The following DUSP14 variants were observed in gnomAD, a reference collection of about 807,000 sequenced individuals.
DUSP14 encodes dual specificity phosphatase 14, also known as dual specificity protein phosphatase 14.
A neutral mutation model predicts 13.2 loss-of-function variants in DUSP14; 5 were observed. The ratio of observed to expected loss-of-function variants is 0.38; its 90% confidence interval spans 0.20 to 0.80. The LOEUF is 0.80. Among genes scored for constraint, DUSP14 ranks in the 30% least tolerant of loss-of-function variants. The pLI is 0.44. For missense variants in DUSP14, 185 were observed against 264.0 expected (o/e 0.70, Z 2.07); for synonymous variants, 91 against 103.4 (o/e 0.88, Z 0.73).
chr17:37,511,935 CCA>C (rs2054190606), intron 2 of DUSP14, among the ~76,000 whole-genome samples: 1 of 19,084 alleles, frequency 5.2e-5, no homozygotes, highest in Non-Finnish European at 9.0e-5. Context: ...CCCCCCCACC[CCA>C]CTTTTTTTTT....
chr17:37,507,055 C>T (rs931307731), intron 1 of DUSP14, among the ~76,000 whole-genome samples: 1 of 152,192 alleles, frequency 6.6e-6, no homozygotes, highest in East Asian at 1.9e-4. Flanking sequence ...GCTAGAAATC[C>T]GGACACCTTC....
intron 1 of DUSP14, among the ~76,000 whole-genome samples, chr17:37,508,198 T>C (rs12603185): frequency 0.72 from 109,477 of 152,144 alleles, 40,004 homozygotes; most frequent in East Asian, 0.97. Flanking sequence ...TTAGCACCAG[T>C]ACACCTGGTG....
intron 1 of DUSP14, among the ~76,000 whole-genome samples, chr17:37,507,336 ATC>A (rs1163927987): frequency 6.6e-6 from 1 of 152,142 alleles, no homozygotes; most frequent in East Asian, 1.9e-4. Flanking sequence ...AGGGCTCACA[ATC>A]TGTTTTCCCT....
chr17:37,506,148 C>T (rs1336026807), intron 1 of DUSP14, among the ~76,000 whole-genome samples: 1 of 151,932 alleles, frequency 6.6e-6, no homozygotes, highest in Admixed American at 6.6e-5. Context: ...ACCTGTAATC[C>T]CAGCTACTCG....
intron 1 of DUSP14, among the ~76,000 whole-genome samples, chr17:37,498,261 A>G (rs1295786110): frequency 1.3e-5 from 2 of 151,058 alleles, no homozygotes; most frequent in Non-Finnish European, 2.9e-5. Flanking sequence ...TTTCAGCCAA[A>G]GGTGATCCAA....
intron 1 of DUSP14, among the ~76,000 whole-genome samples, chr17:37,506,411 A>T (rs2054138691): frequency 6.6e-6 from 1 of 152,090 alleles, no homozygotes; most frequent in Admixed American, 6.6e-5. Context: ...TCCAAGAAGC[A>T]CGTGCCATTG....
At chr17:37,492,056 T>C (rs971053325) in intron 1 of DUSP14, among the ~76,000 whole-genome samples, 1 of 152,238 alleles carries the variant, frequency 6.6e-6, no homozygotes, top group Admixed American at 6.5e-5. Flanking sequence ...TATAAAGATT[T>C]GGCTTCTGTC....
rs1568204737 is a variant in DUSP14, at chr17:37,509,278, TA to T, written c.-180-1398del. On this transcript the variant is annotated intron_variant, in intron 1 of 2. Transcript: ENST00000617516. ...ATATATATATATATATATATATATA[TA>T]TATATATATATATATATAGTGTGTG... Among the ~76,000 whole-genome samples the T allele has an allele frequency of 3.3e-4, 14 of 42,832 alleles. 1 individual carries two copies. The highest frequency in any genetic ancestry group is 1.4e-3 in the African/African-American group (13 of 9,170). 28.1% of individuals were successfully genotyped at this position (42,832 alleles called of 152,430 possible). A position where few individuals can be genotyped will look rare whatever the true frequency, so the allele number is the denominator to read the frequency against.
At chr17:37,511,937 AC>A (rs2054191175) in intron 2 of DUSP14, among the ~76,000 whole-genome samples, 8 of 16,442 alleles carry the variant, frequency 4.9e-4, no homozygotes, top group East Asian at 4.5e-3. Context: ...CCCCCACCCC[AC>A]TTTTTTTTTT....
intron 1 of DUSP14, among the ~76,000 whole-genome samples, chr17:37,490,393 G>T (rs1234855643): frequency 6.6e-6 from 1 of 152,228 alleles, no homozygotes; most frequent in African/African-American, 2.4e-5. Context: ...TCTGGTGCAT[G>T]GATAGAAGCA....
chr17:37,497,086 A>G (rs2054070823), intron 1 of DUSP14, among the ~76,000 whole-genome samples: 1 of 151,968 alleles, frequency 6.6e-6, no homozygotes. Context: ...CACTGAGACA[A>G]CCACTCCCAT....
At chr17:37,509,297 A>ATATATATATATT (rs375701405) in intron 1 of DUSP14, among the ~76,000 whole-genome samples, 1 of 26,794 alleles carries the variant, frequency 3.7e-5, no homozygotes, top group Non-Finnish European at 7.0e-5. Context: ...ATATATATAT[A>ATATATATATATT]GTGTGTGTGT....
intron 1 of DUSP14, among the ~76,000 whole-genome samples, chr17:37,508,164 T>C (rs1387837992): frequency 6.6e-6 from 1 of 152,254 alleles, no homozygotes; most frequent in Non-Finnish European, 1.5e-5. Context: ...AGAAGGGCAG[T>C]GTCCAGGAGG....
chr17:37,511,773 T>A (rs28481614), intron 2 of DUSP14, among the ~76,000 whole-genome samples: 1 of 149,956 alleles, frequency 6.7e-6, no homozygotes, highest in African/African-American at 2.5e-5. Flanking sequence ...AAATAAAAAA[T>A]AAAAAATAAA....
At chr17:37,489,364 C>T (rs760767936), upstream of DUSP14, among the ~76,000 whole-genome samples, 1 of 152,038 alleles carries the variant, frequency 6.6e-6, no homozygotes, top group South Asian at 2.1e-4. Flanking sequence ...TTCCAGCAAG[C>T]GTCAGCCAGG....
intron 1 of DUSP14, among the ~76,000 whole-genome samples, chr17:37,507,580 C>G (rs2054146506): frequency 6.6e-6 from 1 of 152,134 alleles, no homozygotes; most frequent in African/African-American, 2.4e-5. Flanking sequence ...AGCCTCCCTA[C>G]TAGCTGGGAT....
intron 2 of DUSP14, among the ~76,000 whole-genome samples, chr17:37,511,343 C>T (rs993051623): frequency 6.6e-6 from 1 of 152,176 alleles, no homozygotes; most frequent in South Asian, 2.1e-4. Context: ...TATAGTGGCA[C>T]GATCTCAGCT....
upstream of DUSP14, among the ~76,000 whole-genome samples, chr17:37,488,969 T>C (rs571974306): frequency 1.3e-5 from 2 of 152,300 alleles, no homozygotes; most frequent in Admixed American, 6.5e-5. Context: ...AGTCAAGGAC[T>C]GGGCATGGAG....
upstream of DUSP14, among the ~76,000 whole-genome samples, chr17:37,488,608 CTTAGA>C (rs1185274366): frequency 1.3e-5 from 2 of 152,172 alleles, no homozygotes; most frequent in African/African-American, 4.8e-5. Flanking sequence ...TTTGTTTTCT[CTTAGA>C]TTAATTTTGC....
Sources: gnomAD v4.1 joint callset for allele counts (sites outside exome capture counted in the v4.1 genomes callset) on GRCh38, gnomAD v4.1.1 for gene constraint, MANE v1.5 for transcripts, NCBI Gene and HGNC (gene_info 2026-07-23, HGNC 2026-07-21) for gene names.